Variants in TMEM233 observed in about 807,000 individuals in gnomAD.
The protein encoded by TMEM233 is transmembrane protein 233.
In TMEM233, 6 loss-of-function variants were observed where a neutral mutation model predicts 11.2. That is an observed-to-expected ratio of 0.54 (90% CI 0.29 to 1.06). The LOEUF (loss-of-function observed/expected upper bound fraction) is 1.06. Among genes scored for constraint, TMEM233 ranks in the 50% least tolerant of loss-of-function variants. The probability of loss-of-function intolerance (pLI) is 0.08; values close to 1 mark genes in which losing one functional copy is unlikely to be tolerated. For missense variants in TMEM233, 127 were observed against 144.7 expected, an observed-to-expected ratio of 0.88 and a Z score of 0.63; for synonymous variants, 59 against 55.8, an observed-to-expected ratio of 1.06 and a Z score of -0.26.
At position 119,640,806 on chromosome 12, in the gene TMEM233, G is replaced by T; in HGVS notation, c.*101G>T. ...ATGGATCCTTGACTTCAGACTGTGA[G>T]ATCTTTTCCTCCAGGACTCTCCAGA... On this transcript the variant is annotated 3_prime_UTR_variant, in exon 3 of 3. Transcript: ENST00000426426. 2.2e-6 allele frequency: 3 copies of T among 1,335,888 alleles called. No homozygotes were observed. In the Admixed American group the frequency reaches 6.2e-5, roughly 28 times the overall value. 82.8% of individuals were successfully genotyped at this position (1,335,888 alleles called of 1,614,324 possible).
chr12:119,606,572 A>G (rs1267603083), intron 1 of TMEM233, among the ~76,000 whole-genome samples: 1 of 152,258 alleles, frequency 6.6e-6, no homozygotes, highest in East Asian at 1.9e-4. Context: ...AACTCAACAG[A>G]TCAGAATATT....
the TMEM233 span, among the ~76,000 whole-genome samples, chr12:119,651,461 G>C: frequency 1.3e-5 from 2 of 152,082 alleles, no homozygotes; most frequent in Non-Finnish European, 2.9e-5. Flanking sequence ...TCTGGGTTAT[G>C]TGACCATTCC....
chr12:119,601,272 A>G (rs985903386), intron 1 of TMEM233, among the ~76,000 whole-genome samples: 2 of 152,214 alleles, frequency 1.3e-5, no homozygotes, highest in Admixed American at 1.3e-4. Context: ...TTTCTCTCCA[A>G]TTCTGTAAAC....
chr12:119,649,211 T>C, the TMEM233 span, among the ~76,000 whole-genome samples: 1 of 151,584 alleles, frequency 6.6e-6, no homozygotes. Context: ...GGCAGGAGAA[T>C]CTCCTGAACC....
intron 1 of TMEM233, among the ~76,000 whole-genome samples, chr12:119,624,372 A>T (rs115169282): frequency 0.011 from 1,664 of 151,870 alleles, 29 homozygotes; most frequent in African/African-American, 0.037. Flanking sequence ...AAAAAAAAAA[A>T]TTTTAATGAT....
chr12:119,628,639 A>G (rs1352522629), intron 1 of TMEM233, among the ~76,000 whole-genome samples: 1 of 151,770 alleles, frequency 6.6e-6, no homozygotes. Context: ...AGCTGGGACT[A>G]TAGGCGCCCG....
Position 119,594,655 on chromosome 12 carries a change from T to G in TMEM233, c.186+621T>G, listed in dbSNP as rs970950484. ...TTCCGCGCTTTGGCACGGCACGCTCTGTCCAGGCAACAGTTTCCTCTCGCT... is the reference window on the plus strand; with the variant it reads ...TTCCGCGCTTTGGCACGGCACGCTCGGTCCAGGCAACAGTTTCCTCTCGCT... On this transcript the variant is annotated intron_variant, in intron 1 of 2. Coordinates refer to ENST00000426426, the MANE Select transcript of TMEM233 (RefSeq NM_001136534.3). The surrounding 1 kb of genome is among the most constrained non-coding windows in gnomAD (Gnocchi z 5.6). Among the ~76,000 whole-genome samples the G allele has an allele frequency of 6.6e-6, 1 of 152,186 alleles. No homozygotes were observed. Among genetic ancestry groups the G allele is most frequent in the East Asian group, 1.9e-4 (1 of 5,176 alleles).
chr12:119,647,503 G>A (rs972604021), downstream of TMEM233, among the ~76,000 whole-genome samples: 2 of 152,086 alleles, frequency 1.3e-5, no homozygotes, highest in Admixed American at 1.3e-4. Context: ...ACAAGTTGAT[G>A]GTCCCCTAGA....
chr12:119,632,884 T>G (rs1322439343), intron 2 of TMEM233, among the ~76,000 whole-genome samples: 1 of 152,238 alleles, frequency 6.6e-6, no homozygotes. Context: ...GTGGACAGTT[T>G]GCTTTCAAAG....
Position 119,629,884 on chromosome 12 carries a change from T to C in TMEM233, c.323+12T>C. 1.3e-6 allele frequency: 2 copies of C among 1,548,304 alleles called. No individual in the cohort carries two copies. The highest frequency in any genetic ancestry group is 2.7e-5 in the African/African-American group (2 of 73,000). ...CACTTCACAAGGAAGTAAGTAGGCT[T>C]TTTGAATCCCTCCCCATGTCAAACG... is the stretch of plus-strand genomic sequence containing the variant. On this transcript the variant is annotated intron_variant, in intron 2 of 2. Coordinates refer to ENST00000426426, the MANE Select transcript of TMEM233 (RefSeq NM_001136534.3).
At chr12:119,604,312 TAA>T (rs764120243) in intron 1 of TMEM233, among the ~76,000 whole-genome samples, 6 of 152,214 alleles carry the variant, frequency 3.9e-5, no homozygotes, top group African/African-American at 7.2e-5. Context: ...GAGCAAAAGT[TAA>T]GTCTTTTCTT....
At chr12:119,631,399 C>A in intron 2 of TMEM233, 1 of 581,824 alleles carries the variant, frequency 1.7e-6, no homozygotes, top group Non-Finnish European at 2.2e-6. Flanking sequence ...TCAGAGAAGG[C>A]AGACCCAGGA....
At position 119,640,596 on chromosome 12, in the gene TMEM233, C is replaced by T. The variant is rs183366975; in HGVS notation, c.324-103C>T. ...TGGTACATTTCAACATGTGTTTAAC[C>T]AGAGTCATCATCATCAAATAAGGAA... On this transcript the variant is annotated intron_variant, in intron 2 of 2. Transcript: ENST00000426426. 7.2e-4 allele frequency: 939 copies of T among 1,310,224 alleles called. 12 individuals are homozygous for T. In the Admixed American group the frequency reaches 0.014, roughly 19 times the overall value. 81.2% of individuals were successfully genotyped at this position (1,310,224 alleles called of 1,614,324 possible). A position where few individuals can be genotyped will look rare whatever the true frequency, so the allele number is the denominator to read the frequency against.
chr12:119,633,870 A>T (rs1954929203), intron 2 of TMEM233, among the ~76,000 whole-genome samples: 1 of 152,174 alleles, frequency 6.6e-6, no homozygotes, highest in African/African-American at 2.4e-5. Flanking sequence ...AGTTACCTGG[A>T]GAGGTTTTAA....
chr12:119,599,124 A>G (rs1954104678), intron 1 of TMEM233, among the ~76,000 whole-genome samples: 1 of 152,260 alleles, frequency 6.6e-6, no homozygotes, highest in African/African-American at 2.4e-5. Flanking sequence ...CATACAAATA[A>G]GCAAAGAGGA....
intron 2 of TMEM233, among the ~76,000 whole-genome samples, chr12:119,633,201 T>C (rs1340587928): frequency 1.3e-5 from 2 of 152,154 alleles, no homozygotes; most frequent in Non-Finnish European, 2.9e-5. Context: ...TCTCTGTGCC[T>C]CAATTTCCCT....
At chr12:119,650,863 G>A in the TMEM233 span, among the ~76,000 whole-genome samples, 2 of 152,158 alleles carry the variant, frequency 1.3e-5, no homozygotes, top group African/African-American at 4.8e-5. Context: ...GGCTGGTCTT[G>A]AACTCCTGAA....
At chr12:119,646,926 T>C (rs1955160491), downstream of TMEM233, among the ~76,000 whole-genome samples, 1 of 152,240 alleles carries the variant, frequency 6.6e-6, no homozygotes, top group South Asian at 2.1e-4. Flanking sequence ...CTACTACATC[T>C]TGCTTTGACA....
intron 1 of TMEM233, among the ~76,000 whole-genome samples, chr12:119,614,771 A>T (rs1209943834): frequency 6.6e-6 from 1 of 152,164 alleles, no homozygotes; most frequent in Non-Finnish European, 1.5e-5. Context: ...AGGGGATAAG[A>T]TTACTTCTAT....
Sources: gnomAD v4.1 joint callset for allele counts (sites outside exome capture counted in the v4.1 genomes callset) on GRCh38, gnomAD v4.1.1 for gene constraint, Gnocchi (gnomAD v3.1) non-coding constraint, MANE v1.5 for transcripts, NCBI Gene and HGNC (gene_info 2026-07-23, HGNC 2026-07-21) for gene names.